CFAP46: variants seen among roughly 807,000 people sequenced by gnomAD.
CFAP46 encodes the protein cilia- and flagella-associated protein 46.
CFAP46 carries 245 observed loss-of-function variants against 325.7 expected under a neutral mutation model. The ratio of observed to expected loss-of-function variants is 0.75; its 90% CI spans 0.68 to 0.84. The LOEUF (loss-of-function observed/expected upper bound fraction) is 0.84. Among genes scored for constraint, CFAP46 ranks in the 40% least tolerant of loss-of-function variants. The pLI, the probability that CFAP46 is intolerant of heterozygous loss-of-function variation, is 0.00. For missense variants in CFAP46, 3,346 were observed against 3,543.0 expected (o/e 0.94, Z 1.41); for synonymous variants, 1,523 against 1,495.9 (o/e 1.02, Z -0.42).
intron 44 of CFAP46, among the ~76,000 whole-genome samples, chr10:132,840,247 G>A (rs1379052577): frequency 6.6e-6 from 1 of 152,214 alleles, no homozygotes; most frequent in African/African-American, 2.4e-5. Context: ...CTGTATTGGA[G>A]TAAGGCTGTC....
chr10:132,924,921 G>A, intron 10 of CFAP46, 35 bp from the exon 11 acceptor site: 2 of 1,357,022 alleles, frequency 1.5e-6, no homozygotes, highest in Non-Finnish European at 1.9e-6. Context: ...TAGGGAGGTT[G>A]CTGGCTCGAG....
At chr10:132,860,575 G>T in intron 36 of CFAP46, 52 bp from the exon 37 acceptor site, 1 of 1,357,346 alleles carries the variant, frequency 7.4e-7, no homozygotes, top group Non-Finnish European at 1.0e-6. Context: ...GGCAGGCATG[G>T]ATACAGGCCT....
chr10:132,815,103 G>A (rs1448053858), intron 50 of CFAP46, among the ~76,000 whole-genome samples, 189 bp from the exon 51 acceptor site: 1 of 152,178 alleles, frequency 6.6e-6, no homozygotes, highest in Non-Finnish European at 1.5e-5. Context: ...AAGGTTCACA[G>A]GGTTGGGAAA....
intron 50 of CFAP46, among the ~76,000 whole-genome samples, chr10:132,823,991 GCT>G (rs1847965036): frequency 1.1e-5 from 1 of 88,346 alleles, no homozygotes; most frequent in African/African-American, 5.4e-5. Flanking sequence ...TGTGTGTGCT[GCT>G]TGTTTGTGCT....
Position 132,857,658 on chromosome 10 carries a change from C to T in CFAP46, c.5506G>A (p.Ala1836Thr), listed in dbSNP as rs1382387434. 1 of 1,613,190 alleles carries T rather than the reference C, an allele frequency of 6.2e-7. No individual in the cohort carries two copies. The highest frequency in any genetic ancestry group is 8.5e-7 in the Non-Finnish European group (1 of 1,179,630). Residue 1836 changes from alanine to threonine, a missense_variant, in exon 39 of 58, where the codon GCC (alanine) becomes ACC (threonine). Transcript: ENST00000368586. ...LHSIQGLYGL[A>T]QGAMAEEEGR... is the part of the protein sequence containing the mutation. Reference sequence around the variant, plus strand: ...TCTTCCTCAGCCATGGCGCCCTGGGCCAGGCCATATAAGCCCTGGATGCTG... The same window carrying T: ...TCTTCCTCAGCCATGGCGCCCTGGGTCAGGCCATATAAGCCCTGGATGCTG...
chr10:132,893,962 C>A (rs535367096), intron 24 of CFAP46, among the ~76,000 whole-genome samples: 17 of 151,656 alleles, frequency 1.1e-4, no homozygotes, highest in African/African-American at 3.9e-4. Context: ...GTTGCTGCAG[C>A]CCCCTGTGGG....
intron 5 of CFAP46, among the ~76,000 whole-genome samples, chr10:132,937,936 A>G (rs1293824723): frequency 6.6e-6 from 1 of 152,230 alleles, no homozygotes; most frequent in Non-Finnish European, 1.5e-5. Context: ...CCAAACGGCC[A>G]TATGGCAAGT....
chr10:132,908,572 C>T lies in CFAP46; in HGVS notation c.2820G>A (p.Thr940=), dbSNP rs1415219633. 15 of 1,550,158 alleles carry T rather than the reference C, an allele frequency of 9.7e-6. No individual in the cohort carries two copies. The highest frequency in any genetic ancestry group is 1.7e-4 in the Middle Eastern group (1 of 6,004). The part of the protein sequence containing the change: ...SDPLVELQTL[T]RLTHFAHAAR... ...CTGCATGGGCGAAGTGGGTCAGCCG[C>T]GTCAGGGTCTGCAGCTCCACCAGGG... Residue 940 remains threonine, a synonymous_variant, in exon 22 of 58, where the codon ACG becomes ACA. Transcript: ENST00000368586.
intron 50 of CFAP46, among the ~76,000 whole-genome samples, chr10:132,821,493 T>C (rs1378877484): frequency 6.8e-6 from 1 of 146,212 alleles, no homozygotes; most frequent in Non-Finnish European, 1.5e-5. Context: ...GTGTGAGTGC[T>C]GATGTGTGCT....
At position 132,939,710 on chromosome 10, in the gene CFAP46, G is replaced by C. The variant is rs1850067847; in HGVS notation, c.372-957C>G. On this transcript the variant is annotated intron_variant, in intron 4 of 57. Transcript: ENST00000368586. This position sits in a 1 kb window ranked among gnomAD's most constrained non-coding sequence, Gnocchi z 4.6. ...CAGACGGTCACGCCTGCTTGAGTCA[G>C]AGGGGTCATCATGGGACTCCAGCGG... Among the ~76,000 whole-genome samples, 1 of 152,180 alleles carries C rather than the reference G, an allele frequency of 6.6e-6. No homozygotes were observed. Among genetic ancestry groups the C allele is most frequent in the Non-Finnish European group, 1.5e-5 (1 of 68,020 alleles).
chr10:132,823,960 T>A, intron 50 of CFAP46, among the ~76,000 whole-genome samples: 1 of 138,216 alleles, frequency 7.2e-6, no homozygotes, highest in Admixed American at 7.2e-5. Flanking sequence ...TGATGTGTGC[T>A]GTGTGAGTGC....
Position 132,835,346 on chromosome 10 carries a change from C to T in CFAP46, c.6702G>A (p.Gln2234=), listed in dbSNP as rs1465828413. Residue 2234 remains glutamine, a synonymous_variant, in exon 47 of 58, where the codon CAG becomes CAA. Transcript: ENST00000368586. ...CCATGTCCTCACTGTACACCTGGGC[C>T]TGGGTCTGCTTCCGGAACTGCTGGG... is the stretch of plus-strand genomic sequence containing the variant. The part of the protein sequence containing the change: ...ACAQQFRKQT[Q]AQVYSEDMAL... 1 of 1,613,640 alleles carries T rather than the reference C, an allele frequency of 6.2e-7. No individual in the cohort carries two copies. Among genetic ancestry groups the T allele is most frequent in the South Asian group, 1.1e-5 (1 of 91,092 alleles).
intron 17 of CFAP46, among the ~76,000 whole-genome samples, chr10:132,914,031 C>G (rs11812331): frequency 1.6e-3 from 195 of 124,704 alleles, no homozygotes; most frequent in Non-Finnish European, 2.7e-3. Context: ...GCCCCCGCCC[C>G]GAGGCTGTGT....
chr10:132,890,297 C>T (rs1258497685), intron 25 of CFAP46, among the ~76,000 whole-genome samples: 1 of 152,204 alleles, frequency 6.6e-6, no homozygotes, highest in Admixed American at 6.5e-5. Context: ...TGCCCTGATC[C>T]ACATCTCTGT....
Position 132,887,413 on chromosome 10 carries a change from CCT to C in CFAP46, c.3305-1456_3305-1455del, listed in dbSNP as rs1206667805. Among the ~76,000 whole-genome samples, 25 of 110,416 alleles carry C rather than the reference CCT, an allele frequency of 2.3e-4. 1 individual carries two copies. Among genetic ancestry groups the C allele is most frequent in the Admixed American group, 5.9e-4 (7 of 11,842 alleles). The allele number at this position is 110,416 out of a possible 152,430, so 72.4% of individuals were successfully genotyped here. On this transcript the variant is annotated intron_variant, in intron 25 of 57. Coordinates refer to ENST00000368586, the MANE Select transcript of CFAP46 (RefSeq NM_001200049.3). Reference sequence around the variant, plus strand: ...CCTCTCTCGCTTCTCTCTCTCCTCTCCTCTCTCCTCCCCTCTTCTTTCCTCTC... The same window carrying C: ...CCTCTCTCGCTTCTCTCTCTCCTCTCCTCTCCTCCCCTCTTCTTTCCTCTC...
chr10:132,913,744 C>G (rs142265663), intron 17 of CFAP46, among the ~76,000 whole-genome samples: 179 of 152,276 alleles, frequency 1.2e-3, no homozygotes, highest in African/African-American at 4.0e-3. Flanking sequence ...CTATGAGACT[C>G]TCTTGTTTCC....
Position 132,876,714 on chromosome 10 carries a change from T to C in CFAP46, c.4362+98A>G, listed in dbSNP as rs1347655771. On this transcript the variant is annotated intron_variant, in intron 31 of 57. Coordinates refer to ENST00000368586, the MANE Select transcript of CFAP46 (RefSeq NM_001200049.3). This position sits in a 1 kb window ranked among gnomAD's most constrained non-coding sequence, Gnocchi z 4.1. ...TGGGACTCTGTCCTGTCCTCCTTTT[T>C]CTGGCTACAGTTCACAGTGAAAACT... 5 of 1,297,468 alleles carry C rather than the reference T, an allele frequency of 3.9e-6. No individual in the cohort carries two copies. The East Asian group carries it at 7.6e-5, about 20-fold the overall frequency. The allele number at this position is 1,297,468 out of a possible 1,614,324, so 80.4% of individuals were successfully genotyped here. A position where few individuals can be genotyped will look rare whatever the true frequency, so the allele number is the denominator to read the frequency against.
intron 22 of CFAP46, among the ~76,000 whole-genome samples, chr10:132,905,868 G>T (rs1448519432): frequency 6.6e-6 from 1 of 152,248 alleles, no homozygotes; most frequent in African/African-American, 2.4e-5. Context: ...TTATGCCAGA[G>T]CTGCAGGGCT....
chr10:132,842,858 A>T (rs1848367002), intron 44 of CFAP46, among the ~76,000 whole-genome samples: 1 of 152,188 alleles, frequency 6.6e-6, no homozygotes, highest in Non-Finnish European at 1.5e-5. Context: ...TCATACAGCC[A>T]TCAGCCCCAC....
Sources: gnomAD v4.1 joint callset for allele counts (sites outside exome capture counted in the v4.1 genomes callset) on GRCh38, gnomAD v4.1.1 for gene constraint, Gnocchi (gnomAD v3.1) non-coding constraint, MANE v1.5 for transcripts, NCBI Gene and HGNC (gene_info 2026-07-23, HGNC 2026-07-21) for gene names.